Variants in SYN3 observed in about 807,000 individuals in gnomAD.
The protein encoded by SYN3 is synapsin-3.
A neutral mutation model predicts 65.8 loss-of-function variants in SYN3; 35 were observed. That is an observed-to-expected ratio of 0.53 (90% CI 0.41 to 0.70). The LOEUF (loss-of-function observed/expected upper bound fraction) is 0.70. Ranked by LOEUF, SYN3 falls within the 30% of genes least tolerant of loss-of-function variation. The pLI, the probability that SYN3 is intolerant of heterozygous loss-of-function variation, is 0.00. For missense variants in SYN3, 680 were observed against 749.0 expected (o/e 0.91, Z 1.08); for synonymous variants, 270 against 292.9 (o/e 0.92, Z 0.80).
At chr22:32,820,264 G>A (rs1036594852) in intron 6 of SYN3, among the ~76,000 whole-genome samples, 7 of 144,834 alleles carry the variant, frequency 4.8e-5, no homozygotes, top group Non-Finnish European at 7.7e-5. Flanking sequence ...GTGTGTGTGC[G>A]TGCGCGTGTG....
chr22:32,823,466 A>G (rs953534460), intron 6 of SYN3, among the ~76,000 whole-genome samples: 1 of 152,184 alleles, frequency 6.6e-6, no homozygotes, highest in Admixed American at 6.5e-5. Context: ...ACCAGGATGC[A>G]GTGGGCCGTC....
At chr22:33,002,330 T>C (rs2053083093) in intron 2 of SYN3, among the ~76,000 whole-genome samples, 1 of 152,206 alleles carries the variant, frequency 6.6e-6, no homozygotes, top group Non-Finnish European at 1.5e-5. Flanking sequence ...ATGTTGACTT[T>C]ACATAGAGTA....
intron 3 of SYN3, among the ~76,000 whole-genome samples, chr22:32,945,120 G>A (rs984844643): frequency 6.6e-6 from 1 of 152,092 alleles, no homozygotes; most frequent in African/African-American, 2.4e-5. Flanking sequence ...TACTGCCCAA[G>A]GCAATTTATG....
chr22:32,989,029 A>T (rs896729748), intron 2 of SYN3, among the ~76,000 whole-genome samples: 22 of 152,148 alleles, frequency 1.4e-4, no homozygotes, highest in Admixed American at 6.5e-4. Flanking sequence ...GAAGACACAG[A>T]TTTAAGGGCC....
intron 6 of SYN3, among the ~76,000 whole-genome samples, chr22:32,671,030 G>A (rs1461541944): frequency 6.6e-6 from 1 of 152,190 alleles, no homozygotes; most frequent in East Asian, 1.9e-4. Context: ...TCTAGCCCTG[G>A]CACCATAAGG....
chr22:32,625,908 C>G (rs749605689), intron 6 of SYN3, among the ~76,000 whole-genome samples: 4 of 152,092 alleles, frequency 2.6e-5, no homozygotes, highest in Non-Finnish European at 5.9e-5. Flanking sequence ...ATAAAGATAT[C>G]GATAACCGTA....
intron 10 of SYN3, among the ~76,000 whole-genome samples, chr22:32,532,138 CTT>C: frequency 6.6e-6 from 1 of 152,278 alleles, no homozygotes; most frequent in Non-Finnish European, 1.5e-5. Flanking sequence ...GGCCCCTGCT[CTT>C]GTGTTTGCAG....
chr22:32,899,056 T>G (rs2049682225), intron 4 of SYN3, among the ~76,000 whole-genome samples: 1 of 132,762 alleles, frequency 7.5e-6, no homozygotes, highest in Non-Finnish European at 1.7e-5. Flanking sequence ...GAGCTGAGAT[T>G]GTGCCACTGC....
At chr22:32,674,065 A>G (rs933731569) in intron 6 of SYN3, among the ~76,000 whole-genome samples, 1 of 151,992 alleles carries the variant, frequency 6.6e-6, no homozygotes, top group African/African-American at 2.4e-5. Flanking sequence ...GAGTGTGGAT[A>G]GTGGCACAGG....
rs775354849 is a variant in SYN3, at chr22:32,511,559, T to C, written c.*2133A>G. Among the ~76,000 whole-genome samples, 23 of 152,236 alleles carry C rather than the reference T, an allele frequency of 1.5e-4. No individual in the cohort carries two copies. The highest frequency in any genetic ancestry group is 3.4e-4 in the Non-Finnish European group (23 of 68,054). On this transcript the variant is annotated 3_prime_UTR_variant, in exon 14 of 14. Coordinates refer to ENST00000358763, the MANE Select transcript of SYN3 (RefSeq NM_003490.4). Reference sequence around the variant, plus strand: ...CCAGACATGCCAGACATGCAGGGACTGTCCTATAACATGGAACTCAGCCGA... The same window carrying C: ...CCAGACATGCCAGACATGCAGGGACCGTCCTATAACATGGAACTCAGCCGA...
At chr22:32,884,788 A>C (rs988686940) in intron 4 of SYN3, among the ~76,000 whole-genome samples, 4 of 152,200 alleles carry the variant, frequency 2.6e-5, no homozygotes, top group African/African-American at 9.7e-5. Flanking sequence ...GAGGCAGGAG[A>C]ATAGCTTGAA....
At chr22:32,645,319 C>T (rs898501606) in intron 6 of SYN3, among the ~76,000 whole-genome samples, 12 of 152,006 alleles carry the variant, frequency 7.9e-5, no homozygotes, top group Admixed American at 3.9e-4. Context: ...GGCATGGTGG[C>T]GCATGCCTGT....
chr22:32,931,147 G>A, intron 4 of SYN3: 1 of 412,748 alleles, frequency 2.4e-6, no homozygotes, highest in South Asian at 3.4e-5. Flanking sequence ...CTCAAAGCCA[G>A]AAATGGAACC....
rs2047770553 is a variant in SYN3 at position 32,837,541 on chromosome 22, CAG to C, written c.711+27372_711+27373del. On this transcript the variant is annotated intron_variant, in intron 6 of 13. Coordinates refer to ENST00000358763, the MANE Select transcript of SYN3 (RefSeq NM_003490.4). This position sits in a 1 kb window ranked among gnomAD's most constrained non-coding sequence, Gnocchi z 4.1. ...AGGGGAGACAGGGTACGGCGGGAGA[CAG>C]AGATGCATGAAATACTAACGTTGAA... 6.6e-6 allele frequency among the ~76,000 whole-genome samples: 1 copy of C among 151,996 alleles called. No individual in the cohort carries two copies. Among genetic ancestry groups the C allele is most frequent in the Non-Finnish European group, 1.5e-5 (1 of 68,008 alleles).
chr22:32,924,298 G>A (rs1213341271), intron 4 of SYN3, among the ~76,000 whole-genome samples: 4 of 152,182 alleles, frequency 2.6e-5, no homozygotes, highest in Non-Finnish European at 5.9e-5. Context: ...TAGTGTGTGT[G>A]CACATTCTCA....
intron 6 of SYN3, among the ~76,000 whole-genome samples, chr22:32,748,116 G>A (rs1201163641): frequency 6.6e-6 from 1 of 152,170 alleles, no homozygotes; most frequent in Non-Finnish European, 1.5e-5. Context: ...ATGACCTTGG[G>A]AAAGGTAGAT....
chr22:32,554,170 G>A lies in SYN3; in HGVS notation c.775-12457C>T, dbSNP rs187939926. Among the ~76,000 whole-genome samples, 14 of 152,284 alleles carry A rather than the reference G, an allele frequency of 9.2e-5. No individual in the cohort carries two copies. The East Asian group carries it at 1.7e-3, about 19-fold the overall frequency. On this transcript the variant is annotated intron_variant, in intron 7 of 13. Coordinates refer to ENST00000358763, the MANE Select transcript of SYN3 (RefSeq NM_003490.4). ...TGGTGTCTGGCCATCTCTCTTTTGC[G>A]TTCAGCCAAACTTGGTCCTGCCTCA...
At chr22:32,769,748 C>G (rs549050072) in intron 6 of SYN3, among the ~76,000 whole-genome samples, 1 of 152,166 alleles carries the variant, frequency 6.6e-6, no homozygotes, top group African/African-American at 2.4e-5. Context: ...AACTCCCGAC[C>G]TCAGATGATC....
chr22:32,619,626 C>A (rs1182842757), intron 6 of SYN3, among the ~76,000 whole-genome samples: 1 of 152,228 alleles, frequency 6.6e-6, no homozygotes, highest in African/African-American at 2.4e-5. Flanking sequence ...AGGTTGATTG[C>A]ACTGATAGTA....
Sources: gnomAD v4.1 joint callset for allele counts (sites outside exome capture counted in the v4.1 genomes callset) on GRCh38, gnomAD v4.1.1 for gene constraint, Gnocchi (gnomAD v3.1) non-coding constraint, MANE v1.5 for transcripts, NCBI Gene and HGNC (gene_info 2026-07-23, HGNC 2026-07-21) for gene names.